Variants in TSHZ2 observed in about 807,000 individuals in gnomAD.
TSHZ2 encodes the protein teashirt zinc finger homeobox 2.
TSHZ2 carries 21 observed loss-of-function variants against 74.4 expected under a neutral mutation model. The ratio of observed to expected loss-of-function variants is 0.28; its 90% CI spans 0.20 to 0.41. TSHZ2 has a LOEUF of 0.41. Among genes scored for constraint, TSHZ2 ranks in the 10% least tolerant of loss-of-function variants. The probability of loss-of-function intolerance (pLI) is 1.00; values close to 1 mark genes in which losing one functional copy is unlikely to be tolerated. For synonymous variants in TSHZ2, 540 were observed against 515.3 expected (o/e 1.05, Z -0.65); for missense variants, 1,244 against 1,293.5 (o/e 0.96, Z 0.59).
chr20:53,254,050 T>C lies in TSHZ2; in HGVS notation c.592T>C (p.Tyr198His). The C allele has an allele frequency of 6.2e-7, 1 of 1,614,078 alleles. No homozygotes were observed. Among genetic ancestry groups the C allele is most frequent in the Non-Finnish European group, 8.5e-7 (1 of 1,180,016 alleles). Reference protein sequence around the residue: ...KPSLFSSVQLYRQSSKMCGTV... With the variant: ...KPSLFSSVQLHRQSSKMCGTV... ...CAGCCTGTTCAGCTCGGTGCAGTTG[T>C]ACCGACAGAGCAGCAAGATGTGCGG... Residue 198 changes from tyrosine to histidine, a missense_variant, in exon 2 of 3, where the codon TAC becomes CAC. Physicochemically the swap from Tyr to His is moderately conservative, Grantham distance 83. Around this residue, in one of 6 missense-constraint regions of TSHZ2, gnomAD observed 470 missense variants for 456.5 expected, o/e 1.03. Coordinates refer to ENST00000371497, the MANE Select transcript of TSHZ2 (RefSeq NM_173485.6).
At chr20:53,015,355 A>AT (rs1365043352) in intron 1 of TSHZ2, among the ~76,000 whole-genome samples, 4 of 152,146 alleles carry the variant, frequency 2.6e-5, no homozygotes, top group South Asian at 2.1e-4. Context: ...CCCAGAGGAC[A>AT]TTTTTTTGTT....
chr20:53,025,005 C>G (rs914669513), intron 1 of TSHZ2, among the ~76,000 whole-genome samples: 2 of 151,900 alleles, frequency 1.3e-5, no homozygotes, highest in Non-Finnish European at 2.9e-5. Context: ...GCATGCAACC[C>G]TAAAATATGT....
At chr20:53,036,837 TTTATA>T (rs1158632827) in intron 1 of TSHZ2, among the ~76,000 whole-genome samples, 5 of 149,856 alleles carry the variant, frequency 3.3e-5, no homozygotes, top group East Asian at 3.9e-4. Flanking sequence ...TCACATAAAC[TTTATA>T]TTATATATGT....
chr20:53,042,098 G>A (rs1984060734), intron 1 of TSHZ2, among the ~76,000 whole-genome samples: 1 of 152,080 alleles, frequency 6.6e-6, no homozygotes, highest in Admixed American at 6.5e-5. Context: ...TAAATGTGTG[G>A]GGGCATGTTT....
At chr20:52,998,183 T>TG (rs919577815) in intron 1 of TSHZ2, among the ~76,000 whole-genome samples, 3 of 152,144 alleles carry the variant, frequency 2.0e-5, no homozygotes, top group African/African-American at 7.2e-5. Flanking sequence ...CTTCTTTTTT[T>TG]GGGGGGACAG....
intron 1 of TSHZ2, among the ~76,000 whole-genome samples, chr20:53,182,234 C>CTCCTTCCTTCCTTCCTTCTTTCCT (rs1555833729): frequency 6.8e-6 from 1 of 146,432 alleles, no homozygotes; most frequent in East Asian, 2.1e-4. Flanking sequence ...TCTTGACTCC[C>CTCCTTCCTTCCTTCCTTCTTTCCT]TCCTTCCTTC....
At position 53,489,784 on chromosome 20, in the gene TSHZ2, C is replaced by T. The variant is rs1986399487; in HGVS notation, c.*2649C>T. 1 of 153,568 alleles carries T rather than the reference C, an allele frequency of 6.5e-6. No homozygotes were observed. The highest frequency in any genetic ancestry group is 2.4e-5 in the African/African-American group (1 of 41,432). The allele number at this position is 153,568 out of a possible 1,614,324, so 9.5% of individuals were successfully genotyped here. On this transcript the variant is annotated 3_prime_UTR_variant, in exon 3 of 3. Transcript: ENST00000371497. ...GGCTGCTAAGGTTCACCTTAGAAAA[C>T]AAGATCTGGGCTGGCACTGGGGCAT...
At chr20:53,450,305 T>G (rs1600649472) in intron 2 of TSHZ2, among the ~76,000 whole-genome samples, 1 of 150,166 alleles carries the variant, frequency 6.7e-6, no homozygotes, top group Non-Finnish European at 1.5e-5. Flanking sequence ...AATTATGTGA[T>G]GGTAAAAGAA....
In TSHZ2 at chr20:53,038,874, G is replaced by GT. The variant is rs879461026; in HGVS notation, c.40+65544dup. On this transcript the variant is annotated intron_variant, in intron 1 of 2. Coordinates refer to ENST00000371497, the MANE Select transcript of TSHZ2 (RefSeq NM_173485.6). ...TTCACTTCTTGTTTTTTTTTTGTTT[G>GT]TTTGTTTTGTTTTGTTTGTTTGTTT... is the stretch of plus-strand genomic sequence containing the variant. 4.3e-3 allele frequency among the ~76,000 whole-genome samples: 471 copies of GT among 109,126 alleles called. 5 individuals are homozygous for GT. The highest frequency in any genetic ancestry group is 0.013 in the African/African-American group (347 of 26,076). 71.6% of individuals were successfully genotyped at this position (109,126 alleles called of 152,430 possible).
At chr20:53,083,245 T>C (rs1246597096) in intron 1 of TSHZ2, among the ~76,000 whole-genome samples, 1 of 152,224 alleles carries the variant, frequency 6.6e-6, no homozygotes, top group Non-Finnish European at 1.5e-5. Context: ...CACCATGCCT[T>C]TGAGTTTTCC....
At chr20:53,321,467 C>T (rs184748350) in intron 2 of TSHZ2, among the ~76,000 whole-genome samples, 37 of 151,934 alleles carry the variant, frequency 2.4e-4, no homozygotes, top group African/African-American at 8.7e-4. Flanking sequence ...AGGCGGATCA[C>T]GAGGTCAGGA....
In TSHZ2 at chr20:52,989,113, C is replaced by G. The variant is rs1981879249; in HGVS notation, c.40+15780C>G. The stretch of plus-strand genomic sequence containing the variant: ...GATCATGAAACTCAAGGGATCCTAT[C>G]TGAGAGGGAGAATGTTGTCTACACC... On this transcript the variant is annotated intron_variant, in intron 1 of 2. Coordinates refer to ENST00000371497, the MANE Select transcript of TSHZ2 (RefSeq NM_173485.6). 2.0e-5 allele frequency among the ~76,000 whole-genome samples: 3 copies of G among 146,508 alleles called. No individual in the cohort carries two copies. The South Asian group carries it at 6.4e-4, about 31-fold the overall frequency.
intron 2 of TSHZ2, among the ~76,000 whole-genome samples, chr20:53,302,954 A>G (rs138605335): frequency 0.011 from 1,618 of 152,350 alleles, 14 homozygotes; most frequent in Non-Finnish European, 0.015. Context: ...GCTAATTTCC[A>G]CACGCTTGCC....
At chr20:53,203,496 G>T (rs962736943) in intron 1 of TSHZ2, among the ~76,000 whole-genome samples, 1 of 152,006 alleles carries the variant, frequency 6.6e-6, no homozygotes, top group African/African-American at 2.4e-5. Context: ...TGGCATGGGG[G>T]TCTCAAACTC....
intron 1 of TSHZ2, among the ~76,000 whole-genome samples, chr20:53,091,573 A>C (rs1438736832): frequency 6.6e-6 from 1 of 152,200 alleles, no homozygotes; most frequent in African/African-American, 2.4e-5. Flanking sequence ...AAGCCATACT[A>C]TTTCTTGGTA....
chr20:53,447,348 C>CTGAT (rs748350036), intron 2 of TSHZ2, among the ~76,000 whole-genome samples: 1 of 152,230 alleles, frequency 6.6e-6, no homozygotes. Flanking sequence ...GGAAATGTGT[C>CTGAT]TGATTGCTCT....
At chr20:53,188,643 G>A (rs931032811) in intron 1 of TSHZ2, among the ~76,000 whole-genome samples, 2 of 152,138 alleles carry the variant, frequency 1.3e-5, no homozygotes, top group African/African-American at 4.8e-5. Context: ...AGAAGAAATA[G>A]GTCCAAATAG....
intron 2 of TSHZ2, among the ~76,000 whole-genome samples, chr20:53,386,993 G>A (rs186375309): frequency 9.7e-4 from 147 of 151,826 alleles, no homozygotes; most frequent in Middle Eastern, 6.8e-3. Flanking sequence ...TGAATAGCCC[G>A]TGGTGTACCT....
chr20:53,331,368 C>T (rs1372791789), intron 2 of TSHZ2, among the ~76,000 whole-genome samples: 1 of 152,124 alleles, frequency 6.6e-6, no homozygotes, highest in Non-Finnish European at 1.5e-5. Flanking sequence ...GAAAAGCAGG[C>T]AAAAACCGAG....
Sources: allele counts gnomAD v4.1 joint callset (sites outside exome capture counted in the v4.1 genomes callset), GRCh38; gene constraint gnomAD v4.1.1; regional missense constraint gnomAD v4.1.1; transcripts MANE v1.5; gene names NCBI Gene and HGNC (gene_info 2026-07-23, HGNC 2026-07-21).